SHISA9: variants seen among roughly 807,000 people sequenced by gnomAD.
SHISA9 encodes the protein protein shisa-9.
In SHISA9, 13 loss-of-function variants were observed where a neutral mutation model predicts 38.0. The ratio of observed to expected loss-of-function variants is 0.34; its 90% CI spans 0.22 to 0.54. The LOEUF is 0.54. Among genes scored for constraint, SHISA9 ranks in the 20% least tolerant of loss-of-function variants. The pLI is 0.91. For missense variants in SHISA9, 538 were observed against 575.8 expected, an observed-to-expected ratio of 0.93 and a Z score of 0.67; for synonymous variants, 275 against 242.0, an observed-to-expected ratio of 1.14 and a Z score of -1.27.
At chr16:13,242,969 G>T (rs568229937), downstream of SHISA9, among the ~76,000 whole-genome samples, 1 of 152,138 alleles carries the variant, frequency 6.6e-6, no homozygotes, top group South Asian at 2.1e-4. Flanking sequence ...GGCCAGGCAC[G>T]GTGGCTCATG....
At chr16:13,307,278 T>C in the SHISA9 span, among the ~76,000 whole-genome samples, 1 of 152,238 alleles carries the variant, frequency 6.6e-6, no homozygotes, top group South Asian at 2.1e-4. Context: ...ATTATTTAAA[T>C]GTCATTTATT....
chr16:13,407,070 C>CGAA, the SHISA9 span, among the ~76,000 whole-genome samples: 1 of 45,618 alleles, frequency 2.2e-5, no homozygotes, highest in African/African-American at 8.8e-5. Flanking sequence ...CTCTGTCTCA[C>CGAA]AAAAAAAAAA....
At position 13,077,243 on chromosome 16, in the gene SHISA9, CTTT is replaced by C. The variant is rs11320901; in HGVS notation, c.692-126141_692-126139del. On this transcript the variant is annotated intron_variant, in intron 2 of 4. Transcript: ENST00000558583. Reference sequence around the variant, plus strand: ...TTTTTCACTTCTTCTTCTTCTTCTTCTTTTTTTTTTTTAACCTTCTGAATTCCT... The same window carrying C: ...TTTTTCACTTCTTCTTCTTCTTCTTCTTTTTTTTTAACCTTCTGAATTCCT... Among the ~76,000 whole-genome samples, 191 of 145,216 alleles carry C rather than the reference CTTT, an allele frequency of 1.3e-3. 1 individual carries two copies. The highest frequency in any genetic ancestry group is 4.7e-3 in the African/African-American group (184 of 39,392).
chr16:13,023,642 T>C (rs1201337828), intron 2 of SHISA9, among the ~76,000 whole-genome samples: 9 of 152,252 alleles, frequency 5.9e-5, no homozygotes. Flanking sequence ...ATCAACAGTG[T>C]AAAAGTATTC....
the SHISA9 span, among the ~76,000 whole-genome samples, chr16:13,536,341 T>C: frequency 1.3e-5 from 2 of 152,198 alleles, no homozygotes; most frequent in African/African-American, 4.8e-5. Context: ...CCTCTACATA[T>C]CCCTGTGGCT....
chr16:13,504,113 C>A, the SHISA9 span, among the ~76,000 whole-genome samples: 1 of 152,276 alleles, frequency 6.6e-6, no homozygotes, highest in Non-Finnish European at 1.5e-5. Flanking sequence ...AGGTTTGGAT[C>A]CTGGTCTTGC....
chr16:13,169,223 G>A (rs1453453942), intron 2 of SHISA9, among the ~76,000 whole-genome samples: 2 of 152,124 alleles, frequency 1.3e-5, no homozygotes, highest in African/African-American at 2.4e-5. Context: ...GCCCTTTTCC[G>A]GGGTAATAAG....
the SHISA9 span, among the ~76,000 whole-genome samples, chr16:13,405,101 C>A: frequency 6.6e-6 from 1 of 152,118 alleles, no homozygotes; most frequent in Non-Finnish European, 1.5e-5. Context: ...GGGTCTTGCC[C>A]CTCAGAGAAA....
chr16:13,160,189 C>T (rs145134140), intron 2 of SHISA9, among the ~76,000 whole-genome samples: 135 of 152,186 alleles, frequency 8.9e-4, no homozygotes, highest in African/African-American at 3.2e-3. Context: ...TGAACAGATT[C>T]TGAGGCAGGC....
At chr16:13,072,256 G>A (rs151069271) in intron 2 of SHISA9, among the ~76,000 whole-genome samples, 9 of 152,346 alleles carry the variant, frequency 5.9e-5, no homozygotes, top group East Asian at 3.9e-4. Flanking sequence ...TAAGCCTGCC[G>A]GATCAAAGTT....
intron 2 of SHISA9, among the ~76,000 whole-genome samples, chr16:12,968,613 A>G (rs2072012395): frequency 6.6e-6 from 1 of 152,194 alleles, no homozygotes; most frequent in African/African-American, 2.4e-5. Flanking sequence ...GTATGTGTGA[A>G]CCTTGCAAAT....
At chr16:13,031,076 G>C (rs2072985413) in intron 2 of SHISA9, among the ~76,000 whole-genome samples, 1 of 152,138 alleles carries the variant, frequency 6.6e-6, no homozygotes, top group Non-Finnish European at 1.5e-5. Flanking sequence ...TGGTGAGGGG[G>C]CTGCTGTAAG....
intron 2 of SHISA9, among the ~76,000 whole-genome samples, chr16:12,988,160 A>T (rs2072337854): frequency 6.6e-6 from 1 of 152,238 alleles, no homozygotes; most frequent in Admixed American, 6.5e-5. Context: ...GATGGACCAC[A>T]ACAGGCACTG....
intron 2 of SHISA9, among the ~76,000 whole-genome samples, chr16:13,040,614 G>C (rs1169127995): frequency 6.6e-6 from 1 of 152,156 alleles, no homozygotes; most frequent in Non-Finnish European, 1.5e-5. Context: ...AAGAGAGCAG[G>C]GATCTCATCT....
the SHISA9 span, among the ~76,000 whole-genome samples, chr16:13,545,064 A>G: frequency 6.6e-6 from 1 of 152,236 alleles, no homozygotes; most frequent in Non-Finnish European, 1.5e-5. Flanking sequence ...TTAAAGGCCT[A>G]GCAAATATCA....
chr16:13,548,638 G>A, the SHISA9 span, among the ~76,000 whole-genome samples: 2 of 152,126 alleles, frequency 1.3e-5, no homozygotes, highest in Non-Finnish European at 2.9e-5. Flanking sequence ...TCAGGGAAAT[G>A]CAAATCAGAA....
At chr16:12,980,492 T>G (rs974371147) in intron 2 of SHISA9, among the ~76,000 whole-genome samples, 3 of 152,142 alleles carry the variant, frequency 2.0e-5, no homozygotes, top group Non-Finnish European at 4.4e-5. Context: ...AAATTCGATG[T>G]GCTCTTTCTC....
At chr16:13,480,759 AG>A in the SHISA9 span, among the ~76,000 whole-genome samples, 7 of 152,256 alleles carry the variant, frequency 4.6e-5, no homozygotes, top group Admixed American at 4.6e-4. Context: ...AAACACCAAG[AG>A]TAGAGCTCCT....
chr16:12,948,044 A>T (rs1282887113), intron 2 of SHISA9, among the ~76,000 whole-genome samples: 1 of 152,224 alleles, frequency 6.6e-6, no homozygotes. Flanking sequence ...TGTTTTCCCT[A>T]GTAAGAAAAG....
Sources: allele counts gnomAD v4.1 joint callset (sites outside exome capture counted in the v4.1 genomes callset), GRCh38; gene constraint gnomAD v4.1.1; transcripts MANE v1.5; gene names NCBI Gene and HGNC (gene_info 2026-07-23, HGNC 2026-07-21).